ANK2: variants seen among roughly 807,000 people sequenced by gnomAD.
ANK2 encodes the protein ankyrin 2.
In ANK2, 83 loss-of-function variants were observed where a neutral mutation model predicts 360.5. The ratio of observed to expected loss-of-function variants is 0.23; its 90% confidence interval spans 0.19 to 0.28. The LOEUF (loss-of-function observed/expected upper bound fraction) is 0.28, where lower values mean the gene tolerates loss of function less well. ANK2 is among the 10% of genes least tolerant of loss of function. The probability of loss-of-function intolerance (pLI) is 1.00; values close to 1 mark genes in which losing one functional copy is unlikely to be tolerated. For synonymous variants in ANK2, 1,740 were observed against 1,759.5 expected (o/e 0.99, Z 0.28); for missense variants, 4,201 against 4,795.7 (o/e 0.88, Z 3.66).
chr4:112,760,971 TA>T, the ANK2 span, among the ~76,000 whole-genome samples: 1 of 151,822 alleles, frequency 6.6e-6, no homozygotes, highest in African/African-American at 2.4e-5. Context: ...CATGCCCAGC[TA>T]ATTTTTGTAT....
intron 31 of ANK2, 152 bp from the exon 32 acceptor site, chr4:113,339,074 T>C: frequency 1.5e-6 from 1 of 687,700 alleles, no homozygotes; most frequent in Admixed American, 2.2e-5. Flanking sequence ...CAGTGTGTCA[T>C]TTTTTAGCAT....
chr4:112,735,160 G>T, the ANK2 span, among the ~76,000 whole-genome samples: 4 of 152,036 alleles, frequency 2.6e-5, no homozygotes, highest in African/African-American at 9.7e-5. Context: ...TGAGGTGGGT[G>T]GATCCTTTGA....
At chr4:112,843,794 C>T (rs1204919830) in intron 1 of ANK2, among the ~76,000 whole-genome samples, 4 of 151,960 alleles carry the variant, frequency 2.6e-5, no homozygotes, top group Non-Finnish European at 5.9e-5. Flanking sequence ...AACTTAACTA[C>T]GTTACCCTGA....
At chr4:113,016,805 CAAG>C (rs2056768404) in intron 2 of ANK2, among the ~76,000 whole-genome samples, 1 of 152,184 alleles carries the variant, frequency 6.6e-6, no homozygotes, top group African/African-American at 2.4e-5. Flanking sequence ...CTACTGAGGA[CAAG>C]AAGATGTGAA....
At position 112,946,884 on chromosome 4, in the gene ANK2, T is replaced by A. The variant is rs182605290; in HGVS notation, c.21+42370T>A. ...TTCAAACATGTGCTTTCTTTTAAAA[T>A]GCACTTCCTTAGGTGATTGTGCTCA... On this transcript the variant is annotated intron_variant, in intron 2 of 30. Transcript: ENST00000503271. Among the ~76,000 whole-genome samples the A allele has an allele frequency of 4.2e-3, 635 of 152,326 alleles. 5 individuals carry two copies. Among genetic ancestry groups the A allele is most frequent in the South Asian group, 5.8e-3 (28 of 4,828 alleles).
intron 1 of ANK2, among the ~76,000 whole-genome samples, chr4:112,892,288 C>G (rs113100947): frequency 0.028 from 4,276 of 152,246 alleles, 194 homozygotes; most frequent in African/African-American, 0.094. Flanking sequence ...CCCTGTCATG[C>G]CAGGAACATT....
chr4:112,848,265 T>C, intron 1 of ANK2, among the ~76,000 whole-genome samples: 1 of 152,210 alleles, frequency 6.6e-6, no homozygotes, highest in East Asian at 1.9e-4. Flanking sequence ...GTTCAAGCGA[T>C]TCTCCTGCCT....
chr4:112,802,034 A>G, the ANK2 span, among the ~76,000 whole-genome samples: 1 of 151,918 alleles, frequency 6.6e-6, no homozygotes, highest in South Asian at 2.1e-4. Context: ...GGATCTGGTG[A>G]CTTTTGTTGT....
At chr4:112,966,765 T>A (rs928524042) in intron 2 of ANK2, among the ~76,000 whole-genome samples, 1 of 152,214 alleles carries the variant, frequency 6.6e-6, no homozygotes, top group African/African-American at 2.4e-5. Flanking sequence ...TAGGAAGTTG[T>A]TTTAAATGTT....
chr4:113,353,829 A>G lies in ANK2; in HGVS notation c.5211A>G (p.Leu1737=), dbSNP rs1195759369. Residue 1737 remains leucine, a synonymous_variant, in exon 38 of 46, where the codon TTA becomes TTG. Coordinates refer to ENST00000357077, the MANE Select transcript of ANK2 (RefSeq NM_001148.6). ...ELKKGSSEES[L]GEDPGLAPEP... is the part of the protein sequence containing the mutation. ...AAAAAGGTAGTTCAGAAGAGTCATTAGGTGAAGACCCAGGTTTAGCCCCTG... is the reference window on the plus strand; with the variant it reads ...AAAAAGGTAGTTCAGAAGAGTCATTGGGTGAAGACCCAGGTTTAGCCCCTG... 1 of 1,614,064 alleles carries G rather than the reference A, an allele frequency of 6.2e-7. No individual in the cohort carries two copies.
chr4:113,142,446 A>G (rs2096666644), intron 1 of ANK2, among the ~76,000 whole-genome samples: 1 of 152,144 alleles, frequency 6.6e-6, no homozygotes, highest in Non-Finnish European at 1.5e-5. Context: ...CTCATAGGAA[A>G]TTCTGTTTTC....
intron 1 of ANK2, among the ~76,000 whole-genome samples, chr4:113,081,504 T>C (rs2082381301): frequency 6.6e-6 from 1 of 152,216 alleles, no homozygotes; most frequent in South Asian, 2.1e-4. Context: ...AGTAAGAAGC[T>C]TAATACTTAA....
chr4:113,339,580 TAGTC>T (rs1458114315), intron 32 of ANK2, among the ~76,000 whole-genome samples: 9 of 152,236 alleles, frequency 5.9e-5, no homozygotes, highest in African/African-American at 1.9e-4. Context: ...GATTCTGACT[TAGTC>T]AGTAGCAGCT....
chr4:113,262,497 T>C (rs960664410), intron 13 of ANK2, among the ~76,000 whole-genome samples: 2 of 152,296 alleles, frequency 1.3e-5, no homozygotes, highest in East Asian at 3.9e-4. Context: ...CCCAAAGTGC[T>C]GGGATTACAG....
At chr4:112,871,063 A>G (rs991625310) in intron 1 of ANK2, among the ~76,000 whole-genome samples, 2 of 152,228 alleles carry the variant, frequency 1.3e-5, no homozygotes, top group Non-Finnish European at 2.9e-5. Flanking sequence ...GTTTGATGCT[A>G]TCACAAATGG....
intron 22 of ANK2, among the ~76,000 whole-genome samples, chr4:113,294,857 T>C (rs1365174587): frequency 6.6e-6 from 1 of 152,130 alleles, no homozygotes; most frequent in East Asian, 1.9e-4. Flanking sequence ...TTTAATGGCT[T>C]TTTCTTATTT....
chr4:112,990,195 A>G (rs1425581096), intron 2 of ANK2, among the ~76,000 whole-genome samples: 1 of 152,146 alleles, frequency 6.6e-6, no homozygotes, highest in Non-Finnish European at 1.5e-5. Flanking sequence ...CTTGAGCCCA[A>G]GACTTTGAGG....
At chr4:112,873,540 C>CTTT (rs556434015) in intron 1 of ANK2, among the ~76,000 whole-genome samples, 1 of 139,894 alleles carries the variant, frequency 7.1e-6, no homozygotes, top group African/African-American at 2.6e-5. Flanking sequence ...CTTTTTCTTT[C>CTTT]TTTTTTTTTT....
intron 2 of ANK2, among the ~76,000 whole-genome samples, chr4:113,038,705 C>G (rs1201784112): frequency 1.3e-5 from 2 of 152,086 alleles, no homozygotes; most frequent in African/African-American, 4.8e-5. Context: ...TGGACAGGCA[C>G]TTGCCATTTC....
Sources: gnomAD v4.1 joint callset for allele counts (sites outside exome capture counted in the v4.1 genomes callset) on GRCh38, gnomAD v4.1.1 for gene constraint, MANE v1.5 for transcripts, NCBI Gene and HGNC (gene_info 2026-07-23, HGNC 2026-07-21) for gene names.